Variants in PLCXD3 observed in about 807,000 individuals in gnomAD.
PLCXD3 encodes the protein PI-PLC X domain-containing protein 3.
PLCXD3 carries 19 observed loss-of-function variants against 25.5 expected under a neutral mutation model. The ratio of observed to expected loss-of-function variants is 0.75; its 90% CI spans 0.52 to 1.09. PLCXD3 has a LOEUF of 1.09. Among genes scored for constraint, PLCXD3 ranks in the 50% least tolerant of loss-of-function variants. The pLI, the probability that PLCXD3 is intolerant of heterozygous loss-of-function variation, is 0.00. For synonymous variants in PLCXD3, 174 were observed against 137.6 expected (o/e 1.26, Z -1.85); for missense variants, 411 against 388.1 (o/e 1.06, Z -0.50).
Position 41,501,824 on chromosome 5 carries a change from C to A in PLCXD3, c.103+8600G>T, listed in dbSNP as rs539692269. Reference sequence around the variant, plus strand: ...GTCAAATAAGATGATAGAGAATTAACCATTACCTTTGGCAAAATACAGATC... The same window carrying A: ...GTCAAATAAGATGATAGAGAATTAAACATTACCTTTGGCAAAATACAGATC... On this transcript the variant is annotated intron_variant, in intron 1 of 2. Transcript: ENST00000377801. Among the ~76,000 whole-genome samples the A allele has an allele frequency of 6.6e-4, 100 of 152,120 alleles. 1 individual carries two copies. The South Asian group carries it at 0.02, about 31-fold the overall frequency.
chr5:41,353,391 G>T (rs1043096959), intron 2 of PLCXD3, among the ~76,000 whole-genome samples: 1 of 151,798 alleles, frequency 6.6e-6, no homozygotes, highest in South Asian at 2.1e-4. Flanking sequence ...GTGGGCTACC[G>T]TGCCCTGCCT....
intron 2 of PLCXD3, among the ~76,000 whole-genome samples, chr5:41,357,762 AATG>A (rs1744659561): frequency 1.3e-5 from 2 of 152,360 alleles, no homozygotes; most frequent in East Asian, 3.9e-4. Context: ...AAATAAAAAT[AATG>A]ATATGTATAA....
At chr5:41,316,456 T>A (rs921376212) in intron 2 of PLCXD3, among the ~76,000 whole-genome samples, 1 of 144,898 alleles carries the variant, frequency 6.9e-6, no homozygotes, top group Non-Finnish European at 1.5e-5. Flanking sequence ...GGACAAAACT[T>A]CTTCTTGTTG....
intron 1 of PLCXD3, among the ~76,000 whole-genome samples, chr5:41,459,139 C>T (rs1747818730): frequency 6.6e-6 from 1 of 151,852 alleles, no homozygotes; most frequent in East Asian, 1.9e-4. Context: ...CAAAGAATCC[C>T]TTCTCTTTCT....
chr5:41,371,785 C>T (rs920900181), intron 2 of PLCXD3, among the ~76,000 whole-genome samples: 4 of 152,088 alleles, frequency 2.6e-5, no homozygotes, highest in Non-Finnish European at 5.9e-5. Context: ...GGACTTGTGC[C>T]CCACTCAGGA....
intron 1 of PLCXD3, among the ~76,000 whole-genome samples, chr5:41,505,985 CT>C (rs1478998784): frequency 2.6e-5 from 4 of 152,206 alleles, no homozygotes; most frequent in Non-Finnish European, 4.4e-5. Context: ...TAAAAGCCCT[CT>C]TTAGAGATAC....
At position 41,310,930 on chromosome 5, in the gene PLCXD3, C is replaced by T. The variant is rs1394071589; in HGVS notation, c.*2687G>A. ...AAAGCTTTCCCTAGTTAAAAAACTG[C>T]ACAATTATTCAAAAGCTTCATCATG... On this transcript the variant is annotated 3_prime_UTR_variant, in exon 3 of 3. Transcript: ENST00000377801. The T allele has an allele frequency of 1.3e-5, 2 of 152,382 alleles. No individual in the cohort carries two copies. The highest frequency in any genetic ancestry group is 2.9e-5 in the Non-Finnish European group (2 of 68,016). 9.4% of individuals were successfully genotyped at this position (152,382 alleles called of 1,614,324 possible). A position where few individuals can be genotyped will look rare whatever the true frequency, so the allele number is the denominator to read the frequency against.
Position 41,442,788 on chromosome 5 carries a change from C to T in PLCXD3, c.104-60254G>A, listed in dbSNP as rs539463680. Among the ~76,000 whole-genome samples, 14 of 152,264 alleles carry T rather than the reference C, an allele frequency of 9.2e-5. No individual in the cohort carries two copies. The South Asian group carries it at 2.9e-3, about 32-fold the overall frequency. ...CTTAATCCCTTCCCTCACCCAAACACTTCAAATCAAATCTGATTGCATTAC... is the reference window on the plus strand; with the variant it reads ...CTTAATCCCTTCCCTCACCCAAACATTTCAAATCAAATCTGATTGCATTAC... On this transcript the variant is annotated intron_variant, in intron 1 of 2. Coordinates refer to ENST00000377801, the MANE Select transcript of PLCXD3 (RefSeq NM_001005473.3).
intron 1 of PLCXD3, among the ~76,000 whole-genome samples, chr5:41,445,850 AT>A (rs1747482477): frequency 1.3e-5 from 2 of 152,128 alleles, no homozygotes; most frequent in African/African-American, 2.4e-5. Flanking sequence ...TAAGTAATTA[AT>A]TAAAAAGTAA....
chr5:41,487,753 C>T (rs777666084), intron 1 of PLCXD3, among the ~76,000 whole-genome samples: 29 of 151,476 alleles, frequency 1.9e-4, no homozygotes, highest in Non-Finnish European at 3.4e-4. Context: ...AAGATGCCAA[C>T]GAAATTTTTA....
At chr5:41,485,208 A>T (rs1319229023) in intron 1 of PLCXD3, among the ~76,000 whole-genome samples, 1 of 152,228 alleles carries the variant, frequency 6.6e-6, no homozygotes, top group African/African-American at 2.4e-5. Context: ...CAAAGAGGCC[A>T]AGTAACACAC....
chr5:41,464,292 A>G (rs1414374767), intron 1 of PLCXD3, among the ~76,000 whole-genome samples: 1 of 152,074 alleles, frequency 6.6e-6, no homozygotes, highest in African/African-American at 2.4e-5. Flanking sequence ...CTCTTCAAAG[A>G]TTATATTCCT....
At chr5:41,318,134 A>G (rs189764293) in intron 2 of PLCXD3, among the ~76,000 whole-genome samples, 1 of 152,312 alleles carries the variant, frequency 6.6e-6, no homozygotes, top group African/African-American at 2.4e-5. Context: ...TTTCCCAGAT[A>G]AACAAAAGCT....
At chr5:41,494,837 A>G (rs1216768103) in intron 1 of PLCXD3, among the ~76,000 whole-genome samples, 1 of 152,226 alleles carries the variant, frequency 6.6e-6, no homozygotes, top group Non-Finnish European at 1.5e-5. Context: ...TCTGAGCCCA[A>G]GGTAATCTAA....
chr5:41,411,453 T>C (rs770341166), intron 1 of PLCXD3, among the ~76,000 whole-genome samples: 1 of 152,178 alleles, frequency 6.6e-6, no homozygotes, highest in Non-Finnish European at 1.5e-5. Flanking sequence ...CCCTTTCTCT[T>C]CCTCTAGCCT....
chr5:41,505,122 T>A (rs766705872), intron 1 of PLCXD3, among the ~76,000 whole-genome samples: 6 of 152,130 alleles, frequency 3.9e-5, no homozygotes, highest in Admixed American at 6.5e-5. Flanking sequence ...AAACTCTAAG[T>A]CAGGGTATAA....
intron 2 of PLCXD3, among the ~76,000 whole-genome samples, chr5:41,377,848 T>C (rs550017804): frequency 6.6e-6 from 1 of 152,104 alleles, no homozygotes; most frequent in Non-Finnish European, 1.5e-5. Context: ...TGGAGGATCT[T>C]GGAACTGTAG....
Position 41,389,223 on chromosome 5 carries a change from C to T in PLCXD3, c.104-6689G>A, listed in dbSNP as rs1297346113. Among the ~76,000 whole-genome samples, 4 of 151,980 alleles carry T rather than the reference C, an allele frequency of 2.6e-5. No homozygotes were observed. The South Asian group carries it at 6.2e-4, about 24-fold the overall frequency. On this transcript the variant is annotated intron_variant, in intron 1 of 2. Coordinates refer to ENST00000377801, the MANE Select transcript of PLCXD3 (RefSeq NM_001005473.3). ...TATAGAGCATCTCTGTGAAATAAAA[C>T]GTACTGAAAAACTTCAGCCCTCAGT...
intron 2 of PLCXD3, among the ~76,000 whole-genome samples, chr5:41,327,211 T>C (rs1043850994): frequency 1.3e-5 from 2 of 151,928 alleles, no homozygotes; most frequent in Non-Finnish European, 2.9e-5. Flanking sequence ...ATGATGCAAC[T>C]AGAGGGGACA....
Sources: gnomAD v4.1 joint callset for allele counts (sites outside exome capture counted in the v4.1 genomes callset) on GRCh38, gnomAD v4.1.1 for gene constraint, MANE v1.5 for transcripts, NCBI Gene and HGNC (gene_info 2026-07-23, HGNC 2026-07-21) for gene names.